AHCYL1: variants seen among roughly 807,000 people sequenced by gnomAD.
The protein encoded by AHCYL1 is adenosylhomocysteinase like 1.
A neutral mutation model predicts 79.3 loss-of-function variants in AHCYL1; 20 were observed. The ratio of observed to expected loss-of-function variants is 0.25; its 90% CI spans 0.18 to 0.37. AHCYL1 has a LOEUF of 0.37. Among genes scored for constraint, AHCYL1 ranks in the 10% least tolerant of loss-of-function variants. AHCYL1 has a pLI of 1.00. For synonymous variants in AHCYL1, 223 were observed against 242.2 expected (o/e 0.92, Z 0.74); for missense variants, 330 against 673.6 (o/e 0.49, Z 5.65).
At chr1:110,000,622 G>A (rs1473878622) in intron 1 of AHCYL1, among the ~76,000 whole-genome samples, 1 of 152,160 alleles carries the variant, frequency 6.6e-6, no homozygotes, top group South Asian at 2.1e-4. Context: ...AGCTTATAGT[G>A]CAACAGTAGA....
At chr1:110,016,646 A>G in intron 8 of AHCYL1, 21 bp from the exon 9 acceptor site, 3 of 1,613,966 alleles carry the variant, frequency 1.9e-6, no homozygotes, top group Non-Finnish European at 2.5e-6. Context: ...GTTTGAGTTG[A>G]GCCCTTGTCT....
At chr1:110,012,265 C>T in intron 3 of AHCYL1, 97 bp from the exon 4 acceptor site, 1 of 1,046,644 alleles carries the variant, frequency 9.6e-7, no homozygotes, top group Non-Finnish European at 1.4e-6. Context: ...TTTTCTGCCT[C>T]ATCTCACCAT....
chr1:110,022,833 G>A lies in AHCYL1; in HGVS notation c.*1153G>A, dbSNP rs549362451. 7.9e-5 allele frequency: 12 copies of A among 152,480 alleles called. No homozygotes were observed. Among genetic ancestry groups the A allele is most frequent in the Middle Eastern group, 3.4e-3 (1 of 294 alleles). The allele number at this position is 152,480 out of a possible 1,614,324, so 9.4% of individuals were successfully genotyped here. A position where few individuals can be genotyped will look rare whatever the true frequency, so the allele number is the denominator to read the frequency against. On this transcript the variant is annotated 3_prime_UTR_variant, in exon 17 of 17. Transcript: ENST00000369799. Reference sequence around the variant, plus strand: ...TCTGGGACTATACACCCTATATAATGTTAGTTTTACAGAAGTAATATGACT... The same window carrying A: ...TCTGGGACTATACACCCTATATAATATTAGTTTTACAGAAGTAATATGACT...
chr1:110,017,693 A>C, intron 10 of AHCYL1, 110 bp downstream of exon 10: 2 of 1,217,602 alleles, frequency 1.6e-6, no homozygotes, highest in Non-Finnish European at 2.4e-6. Context: ...AGGGGAAGAG[A>C]AGGCTAGGAC....
intron 1 of AHCYL1, among the ~76,000 whole-genome samples, chr1:109,991,538 T>C (rs1322131332): frequency 6.6e-6 from 1 of 152,194 alleles, no homozygotes; most frequent in Non-Finnish European, 1.5e-5. Flanking sequence ...CTCTGTTCCA[T>C]GCTGTTCATC....
In AHCYL1 at chr1:110,015,369, T is replaced by A. The variant is rs1003724194; in HGVS notation, c.676-56T>A. ...ACTAGTACAGAAAGTGGGTTCAAAG[T>A]TCCCCCCAGCCCTAGCAGCCTGAAT... On this transcript the variant is annotated intron_variant, in intron 6 of 16. Transcript: ENST00000369799. 4.9e-6 allele frequency: 7 copies of A among 1,439,494 alleles called. No individual in the cohort carries two copies. In the African/African-American group the frequency reaches 7.0e-5, roughly 14 times the overall value. The allele number at this position is 1,439,494 out of a possible 1,614,324, so 89.2% of individuals were successfully genotyped here. A position where few individuals can be genotyped will look rare whatever the true frequency, so the allele number is the denominator to read the frequency against.
At chr1:110,005,131 G>A (rs1650565793) in intron 1 of AHCYL1, among the ~76,000 whole-genome samples, 1 of 152,186 alleles carries the variant, frequency 6.6e-6, no homozygotes, top group Non-Finnish European at 1.5e-5. Flanking sequence ...TGTACCAAAA[G>A]AGGGATCCTA....
intron 1 of AHCYL1, among the ~76,000 whole-genome samples, chr1:109,986,945 T>C (rs1649500995): frequency 6.6e-6 from 1 of 152,164 alleles, no homozygotes; most frequent in African/African-American, 2.4e-5. Context: ...ATTACTAATG[T>C]GTATTATTGT....
rs765210669 is a variant in AHCYL1, at chr1:110,009,075, C to T, written c.162C>T (p.Phe54=). The T allele has an allele frequency of 5.0e-6, 8 of 1,613,976 alleles. No homozygotes were observed. The South Asian group carries it at 7.7e-5, about 16-fold the overall frequency. ...ATGACATGCAGGAGTTCACCAAATTCCCCACCAAAACTGGCCGAAGATCTT... is the reference window on the plus strand; with the variant it reads ...ATGACATGCAGGAGTTCACCAAATTTCCCACCAAAACTGGCCGAAGATCTT... The part of the protein sequence containing the change: ...FADDMQEFTK[F]PTKTGRRSLS... Residue 54 remains phenylalanine (F), a synonymous_variant, in exon 2 of 17, where the codon TTC becomes TTT. Transcript: ENST00000369799.
chr1:109,990,966 C>G (rs368838871), intron 1 of AHCYL1, among the ~76,000 whole-genome samples: 4 of 152,164 alleles, frequency 2.6e-5, no homozygotes, highest in African/African-American at 7.2e-5. Flanking sequence ...TCTCATTGCT[C>G]TTAACAGCCT....
At chr1:109,996,650 G>C (rs182104853) in intron 1 of AHCYL1, among the ~76,000 whole-genome samples, 1 of 152,210 alleles carries the variant, frequency 6.6e-6, no homozygotes, top group Non-Finnish European at 1.5e-5. Context: ...TTGTGCAAAC[G>C]TCAGAGAGAC....
chr1:109,995,430 A>C (rs1010587651), intron 1 of AHCYL1, among the ~76,000 whole-genome samples: 3 of 152,238 alleles, frequency 2.0e-5, no homozygotes, highest in African/African-American at 4.8e-5. Flanking sequence ...GGTCTTCCTC[A>C]GACAGTCTCT....
At chr1:110,021,576 G>A in intron 16 of AHCYL1, 98 bp from the exon 17 acceptor site, 1 of 1,213,030 alleles carries the variant, frequency 8.2e-7, no homozygotes, top group Non-Finnish European at 1.2e-6. Flanking sequence ...CACCCAGGCT[G>A]GGGAGGGGCC....
intron 1 of AHCYL1, chr1:110,004,390 G>A (rs1224797755): frequency 5.1e-6 from 5 of 985,506 alleles, no homozygotes; most frequent in Middle Eastern, 5.2e-4. Flanking sequence ...AGAAGTGACT[G>A]GAGGTGGCTG....
At chr1:109,988,509 G>A (rs1240958620) in intron 1 of AHCYL1, among the ~76,000 whole-genome samples, 1 of 152,192 alleles carries the variant, frequency 6.6e-6, no homozygotes, top group Non-Finnish European at 1.5e-5. Context: ...AACAGGAGTG[G>A]TAACTGTCCT....
At chr1:110,012,872 C>A (rs576618569) in intron 4 of AHCYL1, 25 bp from the exon 5 acceptor site, 54 of 1,587,998 alleles carry the variant, frequency 3.4e-5, no homozygotes, top group Non-Finnish European at 7.7e-6. Context: ...TCTTCCTCAC[C>A]CTGTCTTCCT....
At chr1:110,004,331 C>T (rs886375022) in intron 1 of AHCYL1, 51 of 985,216 alleles carry the variant, frequency 5.2e-5, no homozygotes, top group Non-Finnish European at 6.1e-5. Context: ...CCGGGAGCAG[C>T]CAAAACCTGC....
chr1:110,003,600 A>AT (rs956221088), intron 1 of AHCYL1, among the ~76,000 whole-genome samples: 30 of 148,688 alleles, frequency 2.0e-4, no homozygotes, highest in African/African-American at 4.7e-4. Flanking sequence ...ACCTGTACTG[A>AT]TTTTTTTTTT....
In AHCYL1 at chr1:110,017,930, C is replaced by T. The variant is rs762540113; in HGVS notation, c.1053-16C>T. 1 of 1,613,856 alleles carries T rather than the reference C, an allele frequency of 6.2e-7. No individual in the cohort carries two copies. Among genetic ancestry groups the T allele is most frequent in the Non-Finnish European group, 8.5e-7 (1 of 1,179,758 alleles). ...CCTTCTTGCTTTACTCATAGTGTTC[C>T]TTTCTTTTCTTCCAGCATGGATGGG... On this transcript the variant is annotated splice_polypyrimidine_tract_variant and intron_variant, in intron 10 of 16. Transcript: ENST00000369799.
Sources: allele counts gnomAD v4.1 joint callset (sites outside exome capture counted in the v4.1 genomes callset), GRCh38; gene constraint gnomAD v4.1.1; transcripts MANE v1.5; gene names NCBI Gene and HGNC (gene_info 2026-07-23, HGNC 2026-07-21).